The following FUT8 variants were observed in gnomAD, a reference collection of about 807,000 sequenced individuals.
The protein encoded by FUT8 is alpha-(1,6)-fucosyltransferase.
In FUT8, 29 loss-of-function variants were observed where a neutral mutation model predicts 71.3. The ratio of observed to expected loss-of-function variants is 0.41; its 90% CI spans 0.30 to 0.55. FUT8 has a LOEUF of 0.55. FUT8 is among the 20% of genes least tolerant of loss of function. The pLI is 0.34. For synonymous variants in FUT8, 254 were observed against 239.3 expected, an observed-to-expected ratio of 1.06 and a Z score of -0.57; for missense variants, 544 against 702.1, an observed-to-expected ratio of 0.77 and a Z score of 2.55.
upstream of FUT8, among the ~76,000 whole-genome samples, chr14:65,409,636 A>G (rs2065102570): frequency 6.6e-6 from 1 of 152,216 alleles, no homozygotes; most frequent in Admixed American, 6.5e-5. This position sits in a 1 kb window ranked among gnomAD's most constrained non-coding sequence, Gnocchi z 5.4. Context: ...TCTCAATAAA[A>G]TGGCCACTCA....
chr14:65,579,110 T>G (rs1486350135), intron 3 of FUT8, among the ~76,000 whole-genome samples: 1 of 152,106 alleles, frequency 6.6e-6, no homozygotes, highest in Non-Finnish European at 1.5e-5. Context: ...AAATATTATC[T>G]ATTTTACCAT....
At chr14:65,499,937 T>C (rs1211612916) in intron 2 of FUT8, among the ~76,000 whole-genome samples, 3 of 152,186 alleles carry the variant, frequency 2.0e-5, no homozygotes, top group Non-Finnish European at 4.4e-5. Context: ...AAAAAATTTT[T>C]ATATTTAAAA....
chr14:65,392,366 T>C, the FUT8 span, among the ~76,000 whole-genome samples: 7 of 152,250 alleles, frequency 4.6e-5, no homozygotes, highest in Non-Finnish European at 7.3e-5. Context: ...CTGGAAGATA[T>C]GGAGAAATAT....
intron 2 of FUT8, among the ~76,000 whole-genome samples, chr14:65,533,496 A>C (rs935526232): frequency 2.0e-5 from 3 of 152,064 alleles, no homozygotes; most frequent in South Asian, 4.1e-4. Context: ...ATTTTTGTAC[A>C]TTTAATTTGT....
intron 2 of FUT8, among the ~76,000 whole-genome samples, chr14:65,548,905 G>A (rs975324620): frequency 6.6e-6 from 1 of 152,108 alleles, no homozygotes; most frequent in Admixed American, 6.6e-5. Flanking sequence ...TCTAAAAAAT[G>A]GGCGAAAGAT....
chr14:65,378,171 T>C, the FUT8 span, among the ~76,000 whole-genome samples: 1 of 152,226 alleles, frequency 6.6e-6, no homozygotes, highest in East Asian at 1.9e-4. Flanking sequence ...AAAGAGTCTA[T>C]ATAAAATTAA....
At chr14:65,433,930 C>T (rs560782391) in intron 1 of FUT8, among the ~76,000 whole-genome samples, 60 of 152,256 alleles carry the variant, frequency 3.9e-4, no homozygotes, top group African/African-American at 1.3e-3. Context: ...TCCTCAGTAG[C>T]TAGGGCTAAA....
intron 2 of FUT8, among the ~76,000 whole-genome samples, chr14:65,544,994 C>G (rs1322884788): frequency 6.6e-6 from 1 of 151,736 alleles, no homozygotes; most frequent in Non-Finnish European, 1.5e-5. Context: ...TTCCCCTCCT[C>G]TCCTCTTTCT....
At chr14:65,480,603 C>T (rs1009321919) in intron 2 of FUT8, among the ~76,000 whole-genome samples, 2 of 151,878 alleles carry the variant, frequency 1.3e-5, no homozygotes, top group African/African-American at 2.4e-5. Context: ...GTGTCAGCCA[C>T]GGTGCCTGGC....
intron 1 of FUT8, among the ~76,000 whole-genome samples, chr14:65,446,791 C>G (rs2139516120): frequency 6.6e-6 from 1 of 150,762 alleles, no homozygotes; most frequent in Non-Finnish European, 1.5e-5. Context: ...CTCACCCTCT[C>G]TCTCTTTTTT....
At chr14:65,672,269 T>A (rs1892509789) in intron 7 of FUT8, among the ~76,000 whole-genome samples, 1 of 151,790 alleles carries the variant, frequency 6.6e-6, no homozygotes, top group Non-Finnish European at 1.5e-5. Flanking sequence ...TTCCTAATAG[T>A]TTATGTGCCC....
chr14:65,462,262 G>T (rs1190404534), intron 2 of FUT8, among the ~76,000 whole-genome samples: 1 of 152,156 alleles, frequency 6.6e-6, no homozygotes, highest in Non-Finnish European at 1.5e-5. Context: ...TTTGGGTGAA[G>T]CTAATTAATG....
chr14:65,548,101 T>G (rs1885076483), intron 2 of FUT8, among the ~76,000 whole-genome samples: 1 of 152,032 alleles, frequency 6.6e-6, no homozygotes. Flanking sequence ...AGGATTTGTC[T>G]GATATTTTCT....
chr14:65,541,760 G>A (rs949905767), intron 2 of FUT8, among the ~76,000 whole-genome samples: 4 of 152,086 alleles, frequency 2.6e-5, no homozygotes, highest in African/African-American at 4.8e-5. Context: ...ACCCAGTCAC[G>A]TTGACATAAA....
At chr14:65,681,582 T>G (rs1009847584) in intron 7 of FUT8, among the ~76,000 whole-genome samples, 7 of 152,198 alleles carry the variant, frequency 4.6e-5, no homozygotes, top group African/African-American at 1.7e-4. Flanking sequence ...TTAAAAAATA[T>G]TTTTGCATTT....
intron 3 of FUT8, among the ~76,000 whole-genome samples, chr14:65,589,790 T>A (rs8005309): frequency 0.12 from 18,891 of 152,180 alleles, 1,517 homozygotes; most frequent in East Asian, 0.38. Flanking sequence ...ACTCACTCAG[T>A]TTAAAGACCT....
intron 7 of FUT8, among the ~76,000 whole-genome samples, chr14:65,720,817 G>T (rs1002897032): frequency 2.0e-5 from 3 of 152,146 alleles, no homozygotes. Flanking sequence ...TTCCCCTCTG[G>T]CTAGGGCACA....
intron 2 of FUT8, among the ~76,000 whole-genome samples, chr14:65,555,730 C>T (rs1037342829): frequency 6.6e-6 from 1 of 152,154 alleles, no homozygotes; most frequent in Non-Finnish European, 1.5e-5. Context: ...GACCTTTGCC[C>T]AATATCTGAA....
At chr14:65,534,347 G>A (rs2139927145) in intron 2 of FUT8, among the ~76,000 whole-genome samples, 1 of 151,760 alleles carries the variant, frequency 6.6e-6, no homozygotes, top group Non-Finnish European at 1.5e-5. Flanking sequence ...GTTTCACCAT[G>A]TCGCCCAGGC....
Sources: gnomAD v4.1 joint callset for allele counts (sites outside exome capture counted in the v4.1 genomes callset) on GRCh38, gnomAD v4.1.1 for gene constraint, Gnocchi (gnomAD v3.1) non-coding constraint, MANE v1.5 for transcripts, NCBI Gene and HGNC (gene_info 2026-07-23, HGNC 2026-07-21) for gene names.